Variants in NRG3 observed in about 807,000 individuals in gnomAD.
The protein encoded by NRG3 is pro-neuregulin-3, membrane-bound isoform.
In NRG3, 31 loss-of-function variants were observed where a neutral mutation model predicts 66.9. The ratio of observed to expected loss-of-function variants is 0.46; its 90% CI spans 0.35 to 0.63. The LOEUF (loss-of-function observed/expected upper bound fraction) is 0.63, where lower values mean the gene tolerates loss of function less well. NRG3 is among the 20% of genes least tolerant of loss of function. The pLI is 0.00. For missense variants in NRG3, 910 were observed against 878.9 expected (o/e 1.04, Z -0.45); for synonymous variants, 393 against 359.4 (o/e 1.09, Z -1.06).
intron 1 of NRG3, among the ~76,000 whole-genome samples, chr10:82,049,104 A>C (rs2063462856): frequency 6.6e-6 from 1 of 152,140 alleles, no homozygotes; most frequent in African/African-American, 2.4e-5. Flanking sequence ...TTCAAAGTTC[A>C]TCTGACATGC....
At chr10:82,651,925 G>A (rs1279569008) in intron 2 of NRG3, among the ~76,000 whole-genome samples, 1 of 152,182 alleles carries the variant, frequency 6.6e-6, no homozygotes, top group Non-Finnish European at 1.5e-5. Flanking sequence ...CTCTTCACGG[G>A]ACTCACAGAG....
intron 2 of NRG3, among the ~76,000 whole-genome samples, chr10:82,671,429 G>A (rs1238747294): frequency 6.6e-6 from 1 of 152,200 alleles, no homozygotes; most frequent in Non-Finnish European, 1.5e-5. Context: ...TCCCCGTTAA[G>A]GAGCAGATTG....
At chr10:82,546,132 G>A in intron 2 of NRG3, among the ~76,000 whole-genome samples, 1 of 152,150 alleles carries the variant, frequency 6.6e-6, no homozygotes, top group East Asian at 1.9e-4. Flanking sequence ...CTTGCAGGTA[G>A]AATCAGAAAT....
chr10:81,980,406 G>A (rs921203841), intron 1 of NRG3, among the ~76,000 whole-genome samples: 14 of 152,240 alleles, frequency 9.2e-5, no homozygotes, highest in East Asian at 1.9e-4. Context: ...GGGGGAGTCA[G>A]ATAATAAGAG....
rs187225010 is a variant in NRG3 at position 82,622,163 on chromosome 10, A to G, written c.954-116414A>G. On this transcript the variant is annotated intron_variant, in intron 2 of 8. Transcript: ENST00000372141. The stretch of plus-strand genomic sequence containing the variant: ...ACTAAAATATAATTTCACATTTAGA[A>G]GCTAATAAGGACCTGAAAAGTTAGC... Among the ~76,000 whole-genome samples, 46 of 152,300 alleles carry G rather than the reference A, an allele frequency of 3.0e-4. No individual in the cohort carries two copies. The East Asian group carries it at 7.9e-3, about 26-fold the overall frequency.
chr10:82,435,678 T>G (rs946342249), intron 2 of NRG3, among the ~76,000 whole-genome samples: 2 of 152,104 alleles, frequency 1.3e-5, no homozygotes, highest in Admixed American at 1.3e-4. Context: ...AAGAACTTCT[T>G]GATTTCTGCC....
intron 2 of NRG3, among the ~76,000 whole-genome samples, chr10:82,613,574 T>C (rs997774647): frequency 1.3e-5 from 2 of 151,922 alleles, no homozygotes; most frequent in African/African-American, 2.4e-5. Flanking sequence ...CAAGAAAAGA[T>C]GTTATTATTT....
At chr10:82,530,630 G>A (rs1341802048) in intron 2 of NRG3, among the ~76,000 whole-genome samples, 2 of 151,830 alleles carry the variant, frequency 1.3e-5, no homozygotes, top group Non-Finnish European at 2.9e-5. Flanking sequence ...CCAAAGACAT[G>A]CCTTCTTGAA....
At chr10:81,890,035 G>T (rs925190526) in intron 1 of NRG3, among the ~76,000 whole-genome samples, 1 of 152,176 alleles carries the variant, frequency 6.6e-6, no homozygotes, top group Non-Finnish European at 1.5e-5. Flanking sequence ...AAATGGCTGA[G>T]TCTTGTAAAA....
At chr10:82,471,166 A>C (rs540777353) in intron 2 of NRG3, among the ~76,000 whole-genome samples, 1 of 152,238 alleles carries the variant, frequency 6.6e-6, no homozygotes, top group South Asian at 2.1e-4. Context: ...TTGGATGAAA[A>C]GGGGAAAAAG....
chr10:82,636,961 T>C (rs1474708570), intron 2 of NRG3, among the ~76,000 whole-genome samples: 2 of 151,958 alleles, frequency 1.3e-5, no homozygotes, highest in Non-Finnish European at 2.9e-5. Context: ...GTAGCAGATA[T>C]GTAGGATGAA....
At chr10:82,315,669 T>C (rs1420667682) in intron 1 of NRG3, among the ~76,000 whole-genome samples, 2 of 147,122 alleles carry the variant, frequency 1.4e-5, no homozygotes, top group Non-Finnish European at 3.0e-5. Context: ...CGTTTGTTGT[T>C]TTTTTTTTTT....
At chr10:82,650,435 A>G (rs893841070) in intron 2 of NRG3, among the ~76,000 whole-genome samples, 1 of 152,098 alleles carries the variant, frequency 6.6e-6, no homozygotes, top group Non-Finnish European at 1.5e-5. Context: ...AACAAAAACA[A>G]AAAAAAACAC....
intron 2 of NRG3, among the ~76,000 whole-genome samples, chr10:82,557,248 T>C (rs2044710597): frequency 6.6e-6 from 1 of 152,172 alleles, no homozygotes; most frequent in African/African-American, 2.4e-5. Context: ...TAATTTACAC[T>C]AGCATCAACA....
intron 2 of NRG3, among the ~76,000 whole-genome samples, chr10:82,530,713 A>G (rs1441535608): frequency 6.6e-6 from 1 of 151,964 alleles, no homozygotes; most frequent in Non-Finnish European, 1.5e-5. Flanking sequence ...AATGAATTAA[A>G]CATGAATCCA....
At chr10:82,124,034 A>C (rs1245195494) in intron 1 of NRG3, among the ~76,000 whole-genome samples, 1 of 152,006 alleles carries the variant, frequency 6.6e-6, no homozygotes, top group East Asian at 1.9e-4. Flanking sequence ...CCTCAATACC[A>C]CTATTGCGAT....
chr10:82,345,302 A>G (rs2082938965), intron 1 of NRG3, among the ~76,000 whole-genome samples: 1 of 139,900 alleles, frequency 7.1e-6, no homozygotes, highest in Non-Finnish European at 1.5e-5. Context: ...TTTTCCAAAC[A>G]CCATTTATTA....
intron 2 of NRG3, among the ~76,000 whole-genome samples, chr10:82,499,846 G>A (rs754958545): frequency 3.9e-5 from 6 of 152,122 alleles, no homozygotes; most frequent in Non-Finnish European, 7.4e-5. Context: ...CTCACTCCAC[G>A]GTGTACAGGC....
intron 2 of NRG3, among the ~76,000 whole-genome samples, chr10:82,724,871 A>T (rs1311408083): frequency 6.6e-6 from 1 of 152,032 alleles, no homozygotes; most frequent in African/African-American, 2.4e-5. Flanking sequence ...TCCCAGATTT[A>T]TTTTCTTTTC....
Sources: allele counts gnomAD v4.1 joint callset (sites outside exome capture counted in the v4.1 genomes callset), GRCh38; gene constraint gnomAD v4.1.1; transcripts MANE v1.5; gene names NCBI Gene and HGNC (gene_info 2026-07-23, HGNC 2026-07-21).